The following PLCB1 variants were observed in gnomAD, a reference collection of about 807,000 sequenced individuals.
PLCB1 encodes the protein 1-phosphatidylinositol 4,5-bisphosphate phosphodiesterase beta-1.
PLCB1 carries 46 observed loss-of-function variants against 161.8 expected under a neutral mutation model. The observed-to-expected ratio is 0.28, with a 90% CI of 0.22 to 0.36. The LOEUF is 0.36. Ranked by LOEUF, PLCB1 falls within the 10% of genes least tolerant of loss-of-function variation. The pLI, the probability that PLCB1 is intolerant of heterozygous loss-of-function variation, is 1.00. For synonymous variants in PLCB1, 517 were observed against 503.7 expected (o/e 1.03, Z -0.35); for missense variants, 1,016 against 1,472.5 (o/e 0.69, Z 5.07).
At chr20:8,636,208 G>A (rs1223323040) in intron 4 of PLCB1, among the ~76,000 whole-genome samples, 1 of 152,120 alleles carries the variant, frequency 6.6e-6, no homozygotes, top group African/African-American at 2.4e-5. Context: ...TTGCAAACAT[G>A]AAAAGTTAGA....
intron 2 of PLCB1, among the ~76,000 whole-genome samples, chr20:8,165,158 T>C (rs2051662782): frequency 6.6e-6 from 1 of 152,202 alleles, no homozygotes; most frequent in Non-Finnish European, 1.5e-5. Context: ...CTTCTAGCCA[T>C]CATGAGGAAA....
chr20:8,841,017 T>C (rs1426310427), intron 31 of PLCB1, among the ~76,000 whole-genome samples: 1 of 152,114 alleles, frequency 6.6e-6, no homozygotes, highest in East Asian at 1.9e-4. Context: ...TTTGTATTTT[T>C]AGTAGAGATG....
At chr20:8,530,123 T>C (rs1984744784) in intron 3 of PLCB1, among the ~76,000 whole-genome samples, 1 of 152,134 alleles carries the variant, frequency 6.6e-6, no homozygotes, top group Non-Finnish European at 1.5e-5. Flanking sequence ...TCTTTTCGGA[T>C]GTTTATTCAG....
intron 2 of PLCB1, among the ~76,000 whole-genome samples, chr20:8,290,598 A>T (rs1265336010): frequency 6.6e-6 from 1 of 152,182 alleles, no homozygotes; most frequent in Non-Finnish European, 1.5e-5. Flanking sequence ...CATCAAAGAG[A>T]TGAAAGCGCT....
At chr20:8,645,226 A>T (rs1408194116) in intron 4 of PLCB1, among the ~76,000 whole-genome samples, 1 of 151,146 alleles carries the variant, frequency 6.6e-6, no homozygotes, top group African/African-American at 2.4e-5. Flanking sequence ...TCACTTGTTT[A>T]TCTGCTGACC....
At chr20:8,528,706 G>C (rs1479652201) in intron 3 of PLCB1, among the ~76,000 whole-genome samples, 1 of 151,868 alleles carries the variant, frequency 6.6e-6, no homozygotes, top group African/African-American at 2.4e-5. Flanking sequence ...ATAAAAGAAA[G>C]TAAAGCCTTA....
chr20:8,542,193 G>T (rs899475085), intron 3 of PLCB1, among the ~76,000 whole-genome samples: 2 of 152,080 alleles, frequency 1.3e-5, no homozygotes, highest in Non-Finnish European at 2.9e-5. Flanking sequence ...CGATTTCCAC[G>T]ACCGGTTCTT....
chr20:8,538,198 T>A (rs2249087), intron 3 of PLCB1, among the ~76,000 whole-genome samples: 95,795 of 151,574 alleles, frequency 0.63, 30,973 homozygotes, highest in African/African-American at 0.77. Context: ...ATTGAAATAT[T>A]CACATATCTT....
At chr20:8,274,428 C>T (rs1982430046) in intron 2 of PLCB1, among the ~76,000 whole-genome samples, 1 of 151,372 alleles carries the variant, frequency 6.6e-6, no homozygotes, top group Admixed American at 6.6e-5. Context: ...AACGTTTGTC[C>T]CCTTGTGTGT....
intron 2 of PLCB1, among the ~76,000 whole-genome samples, chr20:8,180,542 GGGCTATAT>G (rs1372750421): frequency 6.6e-6 from 1 of 152,122 alleles, no homozygotes; most frequent in Non-Finnish European, 1.5e-5. Flanking sequence ...CATATTCCCA[GGGCTATAT>G]AAGAAACAGA....
At chr20:8,223,872 C>A (rs962978519) in intron 2 of PLCB1, among the ~76,000 whole-genome samples, 1 of 152,178 alleles carries the variant, frequency 6.6e-6, no homozygotes, top group Non-Finnish European at 1.5e-5. Context: ...CTCACCCCTA[C>A]AGTGCTTGCT....
rs566249040 is a variant in PLCB1, at chr20:8,168,384, G to T, written c.177+18013G>T. On this transcript the variant is annotated intron_variant, in intron 2 of 31. Transcript: ENST00000338037. ...TCCTTCTGAAATATTAAGGCAATATGAAGTACCCCACCTGGACAATTGTGT... is the reference window on the plus strand; with the variant it reads ...TCCTTCTGAAATATTAAGGCAATATTAAGTACCCCACCTGGACAATTGTGT... Among the ~76,000 whole-genome samples, 2 of 152,304 alleles carry T rather than the reference G, an allele frequency of 1.3e-5. 1 individual carries two copies. The highest frequency in any genetic ancestry group is 4.8e-5 in the African/African-American group (2 of 41,572).
intron 3 of PLCB1, among the ~76,000 whole-genome samples, chr20:8,572,769 C>G (rs1986561448): frequency 6.6e-6 from 1 of 152,138 alleles, no homozygotes; most frequent in South Asian, 2.1e-4. Context: ...GAACATTAAA[C>G]TAAGCATGGG....
intron 3 of PLCB1, among the ~76,000 whole-genome samples, chr20:8,533,434 G>A (rs1484243589): frequency 2.0e-5 from 3 of 151,846 alleles, no homozygotes; most frequent in East Asian, 1.9e-4. Flanking sequence ...CTGAGAAATC[G>A]CCACACTGAC....
At chr20:8,329,637 T>C (rs558241830) in intron 2 of PLCB1, among the ~76,000 whole-genome samples, 6 of 152,360 alleles carry the variant, frequency 3.9e-5, no homozygotes, top group Non-Finnish European at 7.3e-5. Context: ...GCAATGATAA[T>C]GTCACTGATG....
At chr20:8,531,245 C>T (rs1984800600) in intron 3 of PLCB1, among the ~76,000 whole-genome samples, 1 of 151,986 alleles carries the variant, frequency 6.6e-6, no homozygotes, top group South Asian at 2.1e-4. Flanking sequence ...ATTCTCTGCT[C>T]TGTAAAAGAA....
chr20:8,581,305 T>A (rs1193317352), intron 3 of PLCB1, among the ~76,000 whole-genome samples: 1 of 152,162 alleles, frequency 6.6e-6, no homozygotes, highest in Non-Finnish European at 1.5e-5. Flanking sequence ...CTAGTTCTCT[T>A]TGCAGTTAGA....
chr20:8,387,423 CACA>C lies in PLCB1; in HGVS notation c.246+15977_246+15979del, dbSNP rs1364626169. On this transcript the variant is annotated intron_variant, in intron 3 of 31. Transcript: ENST00000338037. ...TGGCCAATGGAGCAGTCAGTACCCA[CACA>C]ACATTTATTCATTAAATTCAACATC... Among the ~76,000 whole-genome samples, 5 of 152,296 alleles carry C rather than the reference CACA, an allele frequency of 3.3e-5. No homozygotes were observed. In the South Asian group the frequency reaches 8.3e-4, roughly 25 times the overall value.
At chr20:8,639,890 CAA>C (rs1988885473) in intron 4 of PLCB1, among the ~76,000 whole-genome samples, 1 of 119,360 alleles carries the variant, frequency 8.4e-6, no homozygotes, top group Non-Finnish European at 1.8e-5. Context: ...AATTAGAAGA[CAA>C]GAAAAAAAAA....
Sources: allele counts gnomAD v4.1 joint callset (sites outside exome capture counted in the v4.1 genomes callset), GRCh38; gene constraint gnomAD v4.1.1; transcripts MANE v1.5; gene names NCBI Gene and HGNC (gene_info 2026-07-23, HGNC 2026-07-21).